The following PDE6A variants were observed in gnomAD, a reference collection of about 807,000 sequenced individuals.
PDE6A encodes rod cGMP-specific 3',5'-cyclic phosphodiesterase subunit alpha.
Under a neutral mutation model 106.3 loss-of-function variants are expected in PDE6A, and 84 were observed. The ratio of observed to expected loss-of-function variants is 0.79; its 90% CI spans 0.66 to 0.95. The LOEUF is 0.95. Among genes scored for constraint, PDE6A ranks in the 40% least tolerant of loss-of-function variants. The pLI is 0.00. For synonymous variants in PDE6A, 394 were observed against 386.6 expected (o/e 1.02, Z -0.23); for missense variants, 1,052 against 1,084.9 (o/e 0.97, Z 0.43).
chr5:149,900,375 G>GTGTATGTA (rs371287292), intron 8 of PDE6A, among the ~76,000 whole-genome samples: 1 of 82,584 alleles, frequency 1.2e-5, no homozygotes, highest in African/African-American at 3.8e-5. Context: ...AAATATATAT[G>GTGTATGTA]TATATATATA....
rs1287064320 is a variant in PDE6A, at chr5:149,896,466, T to C, written c.1510A>G (p.Asn504Asp). The change falls in exon 12 of 22, where the codon AAT becomes GAT. Residue 504 changes from asparagine to aspartate, a missense_variant. Coordinates refer to ENST00000255266, the MANE Select transcript of PDE6A (RefSeq NM_000440.3). ...GGTAAGTCACTGAAGTGAAATTTATTAATTTCGTATTTATCTGCATCTGGC... is the reference window on the plus strand; with the variant it reads ...GGTAAGTCACTGAAGTGAAATTTATCAATTTCGTATTTATCTGCATCTGGC... ...ELPDADKYEI[N>D]KFHFSDLPLT... 3 of 1,613,652 alleles carry C rather than the reference T, an allele frequency of 1.9e-6. No individual in the cohort carries two copies. Among genetic ancestry groups the C allele is most frequent in the Non-Finnish European group, 2.5e-6 (3 of 1,179,650 alleles).
rs112709122 is a variant in PDE6A, at chr5:149,934,457, T to C, written c.627+109A>G. The C allele has an allele frequency of 4.8e-4, 501 of 1,045,332 alleles. 2 individuals are homozygous for C. The African/African-American group carries it at 7.0e-3, about 15-fold the overall frequency. The allele number at this position is 1,045,332 out of a possible 1,614,324, so 64.8% of individuals were successfully genotyped here. On this transcript the variant is annotated intron_variant, in intron 2 of 21. Coordinates refer to ENST00000255266, the MANE Select transcript of PDE6A (RefSeq NM_000440.3). The stretch of plus-strand genomic sequence containing the variant: ...CAGAGAACATCAGGTGAATTCCCTG[T>C]CTTACAGATGGGAAAACTGAGGCCA...
At chr5:149,905,499 C>CA (rs1365660451) in intron 7 of PDE6A, among the ~76,000 whole-genome samples, 3 of 152,196 alleles carry the variant, frequency 2.0e-5, no homozygotes, top group Non-Finnish European at 4.4e-5. Context: ...ATGATGACAG[C>CA]ACTATCTATT....
intron 4 of PDE6A, 28 bp downstream of exon 4, chr5:149,931,000 G>T: frequency 1.2e-6 from 2 of 1,611,644 alleles, no homozygotes; most frequent in Middle Eastern, 1.6e-4. Context: ...TCTTTTCTTG[G>T]AAATGTCTGT....
intron 10 of PDE6A, among the ~76,000 whole-genome samples, chr5:149,897,759 T>G (rs10074292): frequency 0.048 from 7,311 of 151,442 alleles, 210 homozygotes; most frequent in African/African-American, 0.076. Context: ...TTTTGTGGGG[T>G]TTTTTTTGGT....
Position 149,884,548 on chromosome 5 carries a change from C to A in PDE6A, c.1958G>T (p.Arg653Leu). 1 of 1,613,486 alleles carries A rather than the reference C, an allele frequency of 6.2e-7. No individual in the cohort carries two copies. Among genetic ancestry groups the A allele is most frequent in the South Asian group, 1.1e-5 (1 of 91,056 alleles). ...CATGTGGATGGCATGCTCATGCTGT[C>A]GACGATTGAGGTTTTGAAAGATATT... The part of the protein sequence containing the change: ...SLNIFQNLNR[R>L]QHEHAIHMMD... The change falls in exon 16 of 22, where the codon CGA (arginine) becomes CTA (leucine). Residue 653 changes from arginine to leucine, a missense_variant. Physicochemically the swap from Arg to Leu is moderately radical, Grantham distance 102. Coordinates refer to ENST00000255266, the MANE Select transcript of PDE6A (RefSeq NM_000440.3).
intron 17 of PDE6A, among the ~76,000 whole-genome samples, chr5:149,869,151 G>A (rs1242581163): frequency 6.6e-6 from 1 of 152,060 alleles, no homozygotes; most frequent in Non-Finnish European, 1.5e-5. Flanking sequence ...CCAACTTGGT[G>A]AAACCCTGTC....
chr5:149,874,079 G>T (rs1249138932), intron 17 of PDE6A, among the ~76,000 whole-genome samples: 2 of 151,920 alleles, frequency 1.3e-5, no homozygotes, highest in Admixed American at 6.6e-5. Flanking sequence ...GAAGCCCGTG[G>T]ACATAAGCAC....
At chr5:149,920,470 A>C (rs1753673082) in intron 5 of PDE6A, among the ~76,000 whole-genome samples, 1 of 152,110 alleles carries the variant, frequency 6.6e-6, no homozygotes, top group African/African-American at 2.4e-5. Flanking sequence ...AATCCTAGCT[A>C]CTCGGGAGGC....
chr5:149,903,735 C>A, intron 7 of PDE6A, 40 bp from the exon 8 acceptor site: 1 of 1,526,906 alleles, frequency 6.5e-7, no homozygotes, highest in Non-Finnish European at 9.1e-7. Context: ...TGTGATTAGG[C>A]CTGAGAGGGT....
intron 13 of PDE6A, among the ~76,000 whole-genome samples, chr5:149,890,031 C>T (rs1401650289): frequency 4.0e-5 from 6 of 150,012 alleles, no homozygotes; most frequent in African/African-American, 1.5e-4. Context: ...TCTCAACTCA[C>T]TGCAACCTCT....
At position 149,863,337 on chromosome 5, in the gene PDE6A, G is replaced by A; in HGVS notation, c.2359-71C>T. On this transcript the variant is annotated intron_variant, in intron 20 of 21. Coordinates refer to ENST00000255266, the MANE Select transcript of PDE6A (RefSeq NM_000440.3). This position sits in a 1 kb window ranked among gnomAD's most constrained non-coding sequence, Gnocchi z 4.7. ...GGTCTGGGCTCAAGCGGGTGGCACAGCTGGAAACGTCCAACACTGGAATGA... is the reference window on the plus strand; with the variant it reads ...GGTCTGGGCTCAAGCGGGTGGCACAACTGGAAACGTCCAACACTGGAATGA... 6.6e-7 allele frequency: 1 copy of A among 1,508,468 alleles called. No individual in the cohort carries two copies. 93.4% of individuals were successfully genotyped at this position (1,508,468 alleles called of 1,614,324 possible).
intron 13 of PDE6A, among the ~76,000 whole-genome samples, chr5:149,894,779 C>T (rs376241037): frequency 4.0e-5 from 6 of 151,806 alleles, no homozygotes; most frequent in South Asian, 4.2e-4. Flanking sequence ...TACAGGTGCC[C>T]GCCACCACGC....
chr5:149,925,225 T>C (rs893083699), intron 4 of PDE6A, among the ~76,000 whole-genome samples: 2 of 152,162 alleles, frequency 1.3e-5, no homozygotes, highest in South Asian at 4.1e-4. Flanking sequence ...CCATAGAAGA[T>C]GCCTATAAAT....
intron 8 of PDE6A, among the ~76,000 whole-genome samples, chr5:149,900,816 C>T (rs976529755): frequency 1.3e-5 from 2 of 152,080 alleles, no homozygotes; most frequent in Admixed American, 1.3e-4. Flanking sequence ...TTCATGGAAT[C>T]CCTTCCCTCT....
chr5:149,868,065 C>T, intron 18 of PDE6A, 30 bp downstream of exon 18: 1 of 1,606,116 alleles, frequency 6.2e-7, no homozygotes, highest in South Asian at 1.1e-5. Context: ...ACTGGGATGC[C>T]CCTCCTCTTG....
At chr5:149,862,599 A>G (rs987048088) in intron 21 of PDE6A, among the ~76,000 whole-genome samples, 1 of 152,138 alleles carries the variant, frequency 6.6e-6, no homozygotes, top group Non-Finnish European at 1.5e-5. Context: ...TCTCTACTAA[A>G]ATACAAAAAT....
chr5:149,922,916 C>T (rs1753762266), intron 4 of PDE6A, among the ~76,000 whole-genome samples: 1 of 152,174 alleles, frequency 6.6e-6, no homozygotes, highest in South Asian at 2.1e-4. Context: ...GAAACTGCAA[C>T]CTCAGTAGGC....
At chr5:149,921,004 G>T (rs1753703881) in intron 5 of PDE6A, among the ~76,000 whole-genome samples, 1 of 148,162 alleles carries the variant, frequency 6.7e-6, no homozygotes, top group African/African-American at 2.6e-5. Context: ...GAAAAAGAAA[G>T]AAAATAGAAA....
Sources: allele counts gnomAD v4.1 joint callset (sites outside exome capture counted in the v4.1 genomes callset), GRCh38; gene constraint gnomAD v4.1.1; non-coding constraint Gnocchi (gnomAD v3.1); transcripts MANE v1.5; gene names NCBI Gene and HGNC (gene_info 2026-07-23, HGNC 2026-07-21).